The following SUSD6 variants were observed in gnomAD, a reference collection of about 807,000 sequenced individuals.
SUSD6 encodes sushi domain-containing protein 6.
SUSD6 carries 16 observed loss-of-function variants against 28.4 expected under a neutral mutation model. The observed-to-expected ratio is 0.56, with a 90% CI of 0.38 to 0.86. SUSD6 has a LOEUF of 0.86. Ranked by LOEUF, SUSD6 falls within the 40% of genes least tolerant of loss-of-function variation. The pLI is 0.00. For missense variants in SUSD6, 341 were observed against 384.2 expected (o/e 0.89, Z 0.94); for synonymous variants, 147 against 159.6 (o/e 0.92, Z 0.59).
intron 2 of SUSD6, among the ~76,000 whole-genome samples, chr14:69,679,058 A>C (rs1885960140): frequency 6.6e-6 from 1 of 152,216 alleles, no homozygotes; most frequent in African/African-American, 2.4e-5. Context: ...TGGTATTGTT[A>C]GGTGTTAATT....
intron 2 of SUSD6, among the ~76,000 whole-genome samples, chr14:69,692,148 A>G (rs981843529): frequency 6.6e-6 from 1 of 152,060 alleles, no homozygotes; most frequent in Non-Finnish European, 1.5e-5. Flanking sequence ...CATTGTGTGT[A>G]GTACACAGAA....
chr14:69,702,537 G>C (rs1201399401), intron 2 of SUSD6, among the ~76,000 whole-genome samples: 1 of 152,214 alleles, frequency 6.6e-6, no homozygotes, highest in Non-Finnish European at 1.5e-5. Context: ...GAGGGCAAAG[G>C]GGAGGTAACC....
chr14:69,624,450 G>C (rs1358289437), intron 1 of SUSD6, among the ~76,000 whole-genome samples: 2 of 150,050 alleles, frequency 1.3e-5, no homozygotes, highest in Non-Finnish European at 3.0e-5. Flanking sequence ...TTGATACTTA[G>C]TTGTTTTTTT....
At chr14:69,695,107 A>G (rs568873621) in intron 2 of SUSD6, among the ~76,000 whole-genome samples, 1 of 152,326 alleles carries the variant, frequency 6.6e-6, no homozygotes, top group East Asian at 1.9e-4. Flanking sequence ...ACTGCTAGGA[A>G]GATTTGTCTC....
chr14:69,704,756 C>T lies in SUSD6; in HGVS notation c.458+14C>T, dbSNP rs1462570587. Reference sequence around the variant, plus strand: ...CCATCATAGCAGGTGAGTCCAGTGGCAGAGCTGACATGAGACAGGCAGGTG... The same window carrying T: ...CCATCATAGCAGGTGAGTCCAGTGGTAGAGCTGACATGAGACAGGCAGGTG... On this transcript the variant is annotated intron_variant, in intron 4 of 5. Coordinates refer to ENST00000342745, the MANE Select transcript of SUSD6 (RefSeq NM_014734.4). The T allele has an allele frequency of 2.5e-6, 4 of 1,611,802 alleles. No individual in the cohort carries two copies. The highest frequency in any genetic ancestry group is 3.4e-6 in the Non-Finnish European group (4 of 1,179,084).
intron 1 of SUSD6, among the ~76,000 whole-genome samples, chr14:69,628,530 C>T (rs1885148099): frequency 6.6e-6 from 1 of 152,124 alleles, no homozygotes; most frequent in Non-Finnish European, 1.5e-5. Context: ...GAAAAATCCC[C>T]TGGGGAGTGG....
In SUSD6 at chr14:69,714,676, A is replaced by C. The variant is rs1204819620; in HGVS notation, c.*3697A>C. On this transcript the variant is annotated 3_prime_UTR_variant, in exon 6 of 6. Transcript: ENST00000342745. ...CTAGAGAGGAAAAGGTGGCAGGCCC[A>C]GCTTTGCTGGGAAATGGCTCTTAAT... 1.3e-5 allele frequency: 2 copies of C among 152,244 alleles called. No individual in the cohort carries two copies. Among genetic ancestry groups the C allele is most frequent in the African/African-American group, 4.8e-5 (2 of 41,448 alleles). The allele number at this position is 152,244 out of a possible 1,614,324, so 9.4% of individuals were successfully genotyped here. A position where few individuals can be genotyped will look rare whatever the true frequency, so the allele number is the denominator to read the frequency against.
chr14:69,704,717 A>G lies in SUSD6; in HGVS notation c.433A>G (p.Lys145Glu). The change falls in exon 4 of 6, where the codon AAG (lysine) becomes GAG (glutamate). Residue 145 changes from lysine to glutamate, a missense_variant. Transcript: ENST00000342745. ...LVVLFVLLQP[K>E]LKSFHHSRRD... ...GGTGCTGTTTGTGCTGCTGCAGCCA[A>G]AGCTGAAGTCTTTCCATCATAGCAG... 6.2e-7 allele frequency: 1 copy of G among 1,614,092 alleles called. No individual in the cohort carries two copies. The highest frequency in any genetic ancestry group is 8.5e-7 in the Non-Finnish European group (1 of 1,180,006).
intron 2 of SUSD6, among the ~76,000 whole-genome samples, chr14:69,699,195 TTTTTCTTTTC>T (rs199506196): frequency 3.9e-5 from 6 of 152,154 alleles, no homozygotes; most frequent in African/African-American, 7.2e-5. Context: ...TCATGTGTTC[TTTTTCTTTTC>T]TTTTCTTTTC....
At chr14:69,639,227 C>T (rs1219114738) in intron 1 of SUSD6, among the ~76,000 whole-genome samples, 1 of 136,538 alleles carries the variant, frequency 7.3e-6, no homozygotes, top group Non-Finnish European at 1.5e-5. Context: ...ACTCGGGAGG[C>T]TGAGGCAGGA....
At chr14:69,702,897 C>T (rs1202231074) in intron 2 of SUSD6, among the ~76,000 whole-genome samples, 1 of 152,154 alleles carries the variant, frequency 6.6e-6, no homozygotes, top group Non-Finnish European at 1.5e-5. Context: ...GGAAGATGCA[C>T]AGGGGGTTTG....
chr14:69,629,744 A>G (rs1885166912), intron 1 of SUSD6, among the ~76,000 whole-genome samples: 2 of 152,218 alleles, frequency 1.3e-5, no homozygotes. Flanking sequence ...TGCTGTGTTT[A>G]CAGCACAACC....
At position 69,616,112 on chromosome 14, in the gene SUSD6, G is replaced by A. The variant is rs541650259; in HGVS notation, c.-81+4284G>A. Among the ~76,000 whole-genome samples the A allele has an allele frequency of 2.6e-5, 4 of 152,332 alleles. No homozygotes were observed. The South Asian group carries it at 8.3e-4, about 32-fold the overall frequency. On this transcript the variant is annotated intron_variant, in intron 1 of 5. Transcript: ENST00000342745. ...GATGACAGTAATAGATTCTCAGTGG[G>A]TTTGCAGACGGCAGAGGTGGTGACT...
At chr14:69,631,526 A>G (rs1403800638) in intron 1 of SUSD6, among the ~76,000 whole-genome samples, 2 of 152,196 alleles carry the variant, frequency 1.3e-5, no homozygotes, top group Non-Finnish European at 2.9e-5. Flanking sequence ...TAAAACGGAT[A>G]TAACAGTACC....
intron 2 of SUSD6, among the ~76,000 whole-genome samples, chr14:69,673,355 G>A (rs1195864063): frequency 2.0e-5 from 3 of 152,124 alleles, no homozygotes; most frequent in Admixed American, 2.0e-4. Flanking sequence ...GAAGAACTTG[G>A]TAGACATGAA....
chr14:69,691,200 G>A (rs111971538), intron 2 of SUSD6, among the ~76,000 whole-genome samples: 2,397 of 152,214 alleles, frequency 0.016, 24 homozygotes, highest in Middle Eastern at 0.037. Context: ...AAAATTAGCC[G>A]GACTTGGTGG....
intron 2 of SUSD6, among the ~76,000 whole-genome samples, chr14:69,677,140 T>C (rs527581378): frequency 5.3e-5 from 8 of 152,372 alleles, no homozygotes; most frequent in Non-Finnish European, 8.8e-5. Context: ...AAGTTGACTC[T>C]GACAGCACCT....
Position 69,658,671 on chromosome 14 carries a change from C to T in SUSD6, c.79C>T (p.Leu27=). 6.2e-7 allele frequency: 1 copy of T among 1,614,092 alleles called. No homozygotes were observed. The highest frequency in any genetic ancestry group is 8.5e-7 in the Non-Finnish European group (1 of 1,179,964). ...CGTGGGACATGGAGTGTTCCTTCCG[C>T]TAGTGATCCTTTGCACCCTGCTTGG... ...ASVGHGVFLP[L]VILCTLLGDG... The change falls in exon 2 of 6, where the codon CTA becomes TTA. Residue 27 remains leucine (L), a synonymous_variant. Coordinates refer to ENST00000342745, the MANE Select transcript of SUSD6 (RefSeq NM_014734.4).
At chr14:69,627,945 T>G (rs1255473396) in intron 1 of SUSD6, among the ~76,000 whole-genome samples, 1 of 152,044 alleles carries the variant, frequency 6.6e-6, no homozygotes, top group African/African-American at 2.4e-5. Context: ...TGACTTTTTT[T>G]TTTTTTGAGA....
Sources: allele counts gnomAD v4.1 joint callset (sites outside exome capture counted in the v4.1 genomes callset), GRCh38; gene constraint gnomAD v4.1.1; transcripts MANE v1.5; gene names NCBI Gene and HGNC (gene_info 2026-07-23, HGNC 2026-07-21).